The following MSTO1 variants were observed in gnomAD, a reference collection of about 807,000 sequenced individuals.
MSTO1 encodes the protein misato mitochondrial distribution and morphology regulator 1, also known as protein misato homolog 1.
MSTO1 carries 24 observed loss-of-function variants against 55.7 expected under a neutral mutation model. The observed-to-expected ratio is 0.43, with a 90% CI of 0.31 to 0.61. MSTO1 has a LOEUF of 0.61. MSTO1 is among the 20% of genes least tolerant of loss of function. The pLI is 0.09. For missense variants in MSTO1, 363 were observed against 625.7 expected, an observed-to-expected ratio of 0.58 and a Z score of 4.48; for synonymous variants, 162 against 252.8, an observed-to-expected ratio of 0.64 and a Z score of 3.41.
At chr1:155,590,693 G>C in the MSTO1 span, 3 of 1,515,664 alleles carry the variant, frequency 2.0e-6, no homozygotes, top group African/African-American at 4.2e-5. Flanking sequence ...CTGGGGCCCC[G>C]TGACCCCCCG....
chr1:155,573,315 C>A, the MSTO1 span, among the ~76,000 whole-genome samples: 2 of 152,144 alleles, frequency 1.3e-5, no homozygotes, highest in East Asian at 3.8e-4. Context: ...ATAATCCCAG[C>A]ACTTTGAGAG....
the MSTO1 span, among the ~76,000 whole-genome samples, chr1:155,569,267 C>T: frequency 4.0e-5 from 6 of 151,072 alleles, no homozygotes; most frequent in Non-Finnish European, 8.8e-5. Flanking sequence ...TCCTGAGTAG[C>T]TGGGACTACA....
the MSTO1 span, among the ~76,000 whole-genome samples, chr1:155,594,935 G>A: frequency 6.6e-6 from 1 of 152,054 alleles, no homozygotes; most frequent in Admixed American, 6.6e-5. Flanking sequence ...TCAGGAGTTC[G>A]TGACCAGCCT....
the MSTO1 span, among the ~76,000 whole-genome samples, chr1:155,580,081 G>GAAAAAAAAAAA: frequency 1.2e-5 from 1 of 82,734 alleles, no homozygotes. Flanking sequence ...ATCTCAAAAA[G>GAAAAAAAAAAA]AAAAAAAAAA....
intron 4 of MSTO1, 111 bp from the exon 5 acceptor site, chr1:155,611,438 G>C: frequency 6.2e-7 from 1 of 1,607,258 alleles, no homozygotes; most frequent in Non-Finnish European, 8.5e-7. Flanking sequence ...ACTGCGACTC[G>C]GTGAACAGAA....
At chr1:155,598,824 T>A in the MSTO1 span, 5 of 1,324,724 alleles carry the variant, frequency 3.8e-6, no homozygotes, top group Non-Finnish European at 5.4e-6. Context: ...ATATTTTAGA[T>A]GGAGAGAAGG....
upstream of MSTO1, among the ~76,000 whole-genome samples, chr1:155,609,243 A>ATTTTTTTTTTTTTTT (rs1185140621): frequency 1.8e-5 from 1 of 54,588 alleles, no homozygotes. Context: ...ATATATATAT[A>ATTTTTTTTTTTTTTT]TTTTTTTTTT....
chr1:155,571,042 T>A, the MSTO1 span, among the ~76,000 whole-genome samples: 2 of 152,138 alleles, frequency 1.3e-5, no homozygotes, highest in African/African-American at 4.8e-5. Context: ...AAGACTGAGG[T>A]TGGCCGGACA....
chr1:155,574,991 C>G, the MSTO1 span, among the ~76,000 whole-genome samples: 1 of 151,808 alleles, frequency 6.6e-6, no homozygotes, highest in South Asian at 2.1e-4. Flanking sequence ...CTCAACCTCC[C>G]GATTAGCTGG....
the MSTO1 span, among the ~76,000 whole-genome samples, chr1:155,593,826 G>A: frequency 3.9e-5 from 6 of 152,154 alleles, no homozygotes; most frequent in East Asian, 7.8e-4. Context: ...AAAACTAGCC[G>A]GGTGTGGTGG....
At chr1:155,607,698 C>A (rs766301486), upstream of MSTO1, among the ~76,000 whole-genome samples, 4 of 152,200 alleles carry the variant, frequency 2.6e-5, no homozygotes, top group Non-Finnish European at 4.4e-5. Flanking sequence ...CAGCCCACAT[C>A]ATACTTAGAA....
chr1:155,613,255 G>T (rs771495082), intron 11 of MSTO1, 22 bp downstream of exon 11: 4 of 1,604,962 alleles, frequency 2.5e-6, no homozygotes, highest in Non-Finnish European at 3.4e-6. Context: ...TGGTCCTTAG[G>T]AGTCCTTGTC....
chr1:155,586,079 A>T, the MSTO1 span, among the ~76,000 whole-genome samples: 4 of 152,106 alleles, frequency 2.6e-5, no homozygotes, highest in Non-Finnish European at 5.9e-5. Flanking sequence ...ATGTTCTGTC[A>T]ATGGACATAC....
At chr1:155,580,795 T>G in the MSTO1 span, among the ~76,000 whole-genome samples, 1 of 150,464 alleles carries the variant, frequency 6.6e-6, no homozygotes, top group African/African-American at 2.4e-5. Flanking sequence ...GGCATGCATC[T>G]GTACTCGGGA....
At chr1:155,563,361 C>T in the MSTO1 span, 3 of 456,416 alleles carry the variant, frequency 6.6e-6, no homozygotes, top group East Asian at 6.9e-5. Flanking sequence ...GGTATTGTAC[C>T]GCTGAGGGAA....
the MSTO1 span, among the ~76,000 whole-genome samples, chr1:155,570,531 A>C: frequency 6.6e-6 from 1 of 152,192 alleles, no homozygotes; most frequent in Non-Finnish European, 1.5e-5. Context: ...GCTACATCAG[A>C]ATTCCTAAGT....
At chr1:155,606,324 G>T (rs1672934809), upstream of MSTO1, among the ~76,000 whole-genome samples, 1 of 146,632 alleles carries the variant, frequency 6.8e-6, no homozygotes, top group South Asian at 2.2e-4. Context: ...CTCCCAAAAT[G>T]CTGGGGATTA....
chr1:155,568,983 T>TCA, the MSTO1 span, among the ~76,000 whole-genome samples: 1 of 151,690 alleles, frequency 6.6e-6, no homozygotes, highest in Admixed American at 6.6e-5. Flanking sequence ...GCCTCCTGAG[T>TCA]AGCTGAGATT....
chr1:155,593,890 A>C, the MSTO1 span, among the ~76,000 whole-genome samples: 1 of 151,342 alleles, frequency 6.6e-6, no homozygotes, highest in African/African-American at 2.4e-5. Flanking sequence ...AATGGCATGA[A>C]CCCGGGAGGC....
Sources: gnomAD v4.1 joint callset for allele counts (sites outside exome capture counted in the v4.1 genomes callset) on GRCh38, gnomAD v4.1.1 for gene constraint, MANE v1.5 for transcripts, NCBI Gene and HGNC (gene_info 2026-07-23, HGNC 2026-07-21) for gene names.